PORCN: variants seen among roughly 807,000 people sequenced by gnomAD.
The protein encoded by PORCN is protein-serine O-palmitoleoyltransferase porcupine.
PORCN carries 1 observed loss-of-function variant against 43.0 expected under a neutral mutation model. The ratio of observed to expected loss-of-function variants is 0.02; its 90% CI spans 0.01 to 0.11. The LOEUF (loss-of-function observed/expected upper bound fraction) is 0.11, where lower values mean the gene tolerates loss of function less well. PORCN is among the 10% of genes least tolerant of loss of function. PORCN has a pLI of 1.00. For synonymous variants in PORCN, 148 were observed against 166.4 expected (o/e 0.89, Z 0.85); for missense variants, 240 against 392.1 (o/e 0.61, Z 3.28).
In PORCN at chrX:48,512,384, C is replaced by T. The variant is rs532751355; in HGVS notation, c.432C>T (p.Gly144=). ...AVSLGFDLDR[G]EVGTVPSPVE... The stretch of plus-strand genomic sequence containing the variant: ...CTCTGGGCTTCGACCTGGACCGGGG[C>T]GAGGTGGGTACGGTGCCCTCGCCAG... Residue 144 remains glycine, a synonymous_variant, in exon 5 of 15, where the codon GGC becomes GGT. Transcript: ENST00000326194. 1.2e-5 allele frequency: 14 copies of T among 1,210,200 alleles called. No homozygotes were observed. The highest frequency in any genetic ancestry group is 1.1e-4 in the Admixed American group (5 of 45,830).
intron 2 of PORCN, among the ~76,000 whole-genome samples, chrX:48,510,347 G>A (rs1291751608): frequency 1.8e-5 from 2 of 112,123 alleles, no homozygotes; most frequent in East Asian, 2.8e-4. Flanking sequence ...TGATTACAGC[G>A]TTTGGAGATT....
At chrX:48,516,169 C>A in intron 13 of PORCN, 23 bp downstream of exon 13, 2 of 1,180,155 alleles carry the variant, frequency 1.7e-6, no homozygotes, top group South Asian at 3.6e-5. Context: ...CCTGGGCAAC[C>A]TTGTGCCCAA....
intron 2 of PORCN, among the ~76,000 whole-genome samples, chrX:48,510,264 G>A (rs893554583): frequency 1.5e-4 from 17 of 111,792 alleles, no homozygotes; most frequent in African/African-American, 5.2e-4. Flanking sequence ...TTGGGATTCT[G>A]AAATGTCTAC....
intron 14 of PORCN, among the ~76,000 whole-genome samples, chrX:48,518,198 G>A (rs1469692476): frequency 9.1e-6 from 1 of 109,755 alleles, no homozygotes; most frequent in African/African-American, 3.3e-5. Flanking sequence ...ACAGGCATGA[G>A]CACCCTGTTT....
chrX:48,510,763 G>C (rs782393528), intron 2 of PORCN, among the ~76,000 whole-genome samples: 20 of 108,684 alleles, frequency 1.8e-4, no homozygotes, highest in Non-Finnish European at 3.4e-4. Context: ...CTATCTATCT[G>C]TATATCTATC....
Position 48,520,549 on chromosome X carries a change from C to T in PORCN, c.*73C>T. 1.3e-6 allele frequency: 1 copy of T among 763,467 alleles called. No homozygotes were observed. The highest frequency in any genetic ancestry group is 3.2e-5 in the East Asian group (1 of 31,550). The allele number at this position is 763,467 out of a possible 1,213,427, so 62.9% of individuals were successfully genotyped here. A position where few individuals can be genotyped will look rare whatever the true frequency, so the allele number is the denominator to read the frequency against. On this transcript the variant is annotated 3_prime_UTR_variant, in exon 15 of 15. Transcript: ENST00000326194. ...GCCACTGATGGGGGATGAGGGAAGG[C>T]CCTCTCTCTACTCCTTGACCCCCTC...
chrX:48,512,520 G>A lies in PORCN; in HGVS notation c.555+13G>A. ...AGGCCGCCCACTGGTGAGGTCCTGA[G>A]TGGATGGGTGGGCAGGGACTGTGGG... On this transcript the variant is annotated intron_variant, in intron 5 of 14. Coordinates refer to ENST00000326194, the MANE Select transcript of PORCN (RefSeq NM_203475.3). 1 of 1,207,516 alleles carries A rather than the reference G, an allele frequency of 8.3e-7. No homozygotes were observed. Among genetic ancestry groups the A allele is most frequent in the African/African-American group, 1.7e-5 (1 of 57,864 alleles).
At chrX:48,514,758 G>T (rs191758295) in intron 10 of PORCN, 133 bp downstream of exon 10, 620 of 536,046 alleles carry the variant, frequency 1.2e-3, no homozygotes, top group Admixed American at 1.5e-3. Context: ...CAGTTCTCCT[G>T]GGGGGGCAGA....
rs1602070930 is a variant in PORCN, at chrX:48,511,770, GAGACTGTTGT to G, written c.330-119_330-110del. 4 of 685,559 alleles carry G rather than the reference GAGACTGTTGT, an allele frequency of 5.8e-6. No homozygotes were observed. The African/African-American group carries it at 8.6e-5, about 15-fold the overall frequency. The allele number at this position is 685,559 out of a possible 1,213,427, so 56.5% of individuals were successfully genotyped here. On this transcript the variant is annotated intron_variant, in intron 3 of 14. Transcript: ENST00000326194. ...GAGCCTGGGAGAATTTTTCCACCAT[GAGACTGTTGT>G]AGGACAGGAGGAGGTAGAACCCTCT... is the stretch of plus-strand genomic sequence containing the variant.
chrX:48,520,442 T>G lies in PORCN; in HGVS notation c.1352T>G (p.Phe451Cys). ...ELSWASHWVT[F>C]GCWIFYRLIG ...AGCTGGGCCAGTCACTGGGTCACTT[T>G]TGGATGCTGGATCTTCTACCGTCTC... Residue 451 changes from phenylalanine to cysteine, a missense_variant, in exon 15 of 15, where the codon TTT becomes TGT. Transcript: ENST00000326194. 8.3e-7 allele frequency: 1 copy of G among 1,209,287 alleles called. No homozygotes were observed. Among genetic ancestry groups the G allele is most frequent in the Non-Finnish European group, 1.1e-6 (1 of 893,420 alleles).
chrX:48,515,913 G>C lies in PORCN; in HGVS notation c.1047G>C (p.Ala349=), dbSNP rs782809650. 8.3e-7 allele frequency: 1 copy of C among 1,211,422 alleles called. No individual in the cohort carries two copies. The highest frequency in any genetic ancestry group is 1.1e-6 in the Non-Finnish European group (1 of 895,354). The change falls in exon 12 of 15, where the codon GCG becomes GCC. Residue 349 remains alanine, a synonymous_variant. Transcript: ENST00000326194. ...LLHGFSFHLA[A]VLLSLAFITY... ...AGGGCTTCAGTTTCCACCTGGCTGC[G>C]GTCCTGCTGTCCCTGGCTTTTATCA...
At chrX:48,519,745 C>G (rs1442400035) in intron 14 of PORCN, among the ~76,000 whole-genome samples, 1 of 112,482 alleles carries the variant, frequency 8.9e-6, no homozygotes, top group Non-Finnish European at 1.9e-5. Flanking sequence ...CCTGTAATCC[C>G]AGCACTTTGG....
Position 48,517,241 on chromosome X carries a change from C to T in PORCN, c.1232C>T (p.Ala411Val). 1 of 1,171,182 alleles carries T rather than the reference C, an allele frequency of 8.5e-7. No homozygotes were observed. Among genetic ancestry groups the T allele is most frequent in the South Asian group, 1.9e-5 (1 of 52,934 alleles). Reference protein sequence around the residue: ...LFGALAIFHLAYLGSLFDVDV... With the variant: ...LFGALAIFHLVYLGSLFDVDV... ...GGAGCTCTGGCCATCTTCCACCTGG[C>T]CTACCTGGGCTCCCTGTTTGATGTC... Residue 411 changes from alanine to valine, a missense_variant, in exon 14 of 15, where the codon GCC (alanine) becomes GTC (valine). By Grantham distance (64) the Ala-to-Val change is moderately conservative (BLOSUM62 0). Transcript: ENST00000326194.
At chrX:48,515,026 G>A (rs1031871474) in intron 10 of PORCN, among the ~76,000 whole-genome samples, 1 of 111,734 alleles carries the variant, frequency 8.9e-6, no homozygotes, top group East Asian at 2.8e-4. Context: ...TAACAGATGC[G>A]GGGACAGCAG....
rs1556975578 is a variant in PORCN at position 48,517,210 on chromosome X, C to T, written c.1201C>T (p.Leu401Phe). 1 of 1,170,446 alleles carries T rather than the reference C, an allele frequency of 8.5e-7. No homozygotes were observed. Among genetic ancestry groups the T allele is most frequent in the Non-Finnish European group, 1.1e-6 (1 of 873,886 alleles). ...LGLGVRALNL[L>F]FGALAIFHLA... Reference sequence around the variant, plus strand: ...CCTGGGGGTGCGAGCCTTAAACTTGCTCTTTGGAGCTCTGGCCATCTTCCA... The same window carrying T: ...CCTGGGGGTGCGAGCCTTAAACTTGTTCTTTGGAGCTCTGGCCATCTTCCA... Residue 401 changes from leucine to phenylalanine, a missense_variant, in exon 14 of 15, where the codon CTC (leucine) becomes TTC (phenylalanine). Coordinates refer to ENST00000326194, the MANE Select transcript of PORCN (RefSeq NM_203475.3).
At chrX:48,509,637 G>C (rs1207615910) in intron 1 of PORCN, 147 bp from the exon 2 acceptor site, 15 of 1,141,771 alleles carry the variant, frequency 1.3e-5, no homozygotes, top group African/African-American at 1.8e-5. Context: ...TGATGTACCT[G>C]ACTTCTCACG....
At chrX:48,515,490 T>C in intron 10 of PORCN, 1 of 445,599 alleles carries the variant, frequency 2.2e-6, no homozygotes, top group South Asian at 3.2e-5. Context: ...GTTTTTGCCC[T>C]GAGGAACTGG....
intron 7 of PORCN, among the ~76,000 whole-genome samples, chrX:48,513,076 C>T (rs782801652): frequency 1.8e-5 from 2 of 112,461 alleles, no homozygotes; most frequent in Non-Finnish European, 3.8e-5. Context: ...TCAGCTGTCT[C>T]GCTGTTAGAA....
chrX:48,517,040 T>A, intron 13 of PORCN, 143 bp from the exon 14 acceptor site: 1 of 494,271 alleles, frequency 2.0e-6, no homozygotes, highest in Non-Finnish European at 3.6e-6. Context: ...GAACCATCTC[T>A]TCCCTATCTC....
Sources: allele counts gnomAD v4.1 joint callset (sites outside exome capture counted in the v4.1 genomes callset), GRCh38; gene constraint gnomAD v4.1.1; transcripts MANE v1.5; gene names NCBI Gene and HGNC (gene_info 2026-07-23, HGNC 2026-07-21).